The following NEDD4L variants were observed in gnomAD, a reference collection of about 807,000 sequenced individuals.
NEDD4L encodes the protein NEDD4 like E3 ubiquitin protein ligase.
A neutral mutation model predicts 148.9 loss-of-function variants in NEDD4L; 54 were observed. The ratio of observed to expected loss-of-function variants is 0.36; its 90% CI spans 0.29 to 0.45. NEDD4L has a LOEUF of 0.45. Ranked by LOEUF, NEDD4L falls within the 20% of genes least tolerant of loss-of-function variation. The probability of loss-of-function intolerance (pLI) is 1.00; values close to 1 mark genes in which losing one functional copy is unlikely to be tolerated. For missense variants in NEDD4L, 856 were observed against 1,233.8 expected, an observed-to-expected ratio of 0.69 and a Z score of 4.59; for synonymous variants, 433 against 440.7, an observed-to-expected ratio of 0.98 and a Z score of 0.22.
intron 24 of NEDD4L, among the ~76,000 whole-genome samples, chr18:58,379,083 G>T (rs1364396473): frequency 6.6e-6 from 1 of 152,222 alleles, no homozygotes; most frequent in Non-Finnish European, 1.5e-5. Flanking sequence ...GCACAGGAGG[G>T]CGATGGCCCA....
chr18:58,077,517 G>A (rs928454673), intron 1 of NEDD4L, among the ~76,000 whole-genome samples: 1 of 152,026 alleles, frequency 6.6e-6, no homozygotes, highest in Non-Finnish European at 1.5e-5. Context: ...TGTGCACGTC[G>A]TTAACTACAG....
intron 5 of NEDD4L, among the ~76,000 whole-genome samples, chr18:58,292,457 C>T (rs2054903194): frequency 6.6e-6 from 1 of 152,120 alleles, no homozygotes; most frequent in Non-Finnish European, 1.5e-5. Context: ...CCCACCTCAC[C>T]CGCCACCTCA....
intron 8 of NEDD4L, among the ~76,000 whole-genome samples, chr18:58,324,712 C>T (rs2059157600): frequency 6.6e-6 from 1 of 152,136 alleles, no homozygotes; most frequent in South Asian, 2.1e-4. Context: ...GTAGTGTCAC[C>T]GACTGTGCAG....
chr18:58,395,635 G>T lies in NEDD4L; in HGVS notation c.2826-532G>T, dbSNP rs559041018. On this transcript the variant is annotated intron_variant, in intron 30 of 30. Coordinates refer to ENST00000400345, the MANE Select transcript of NEDD4L (RefSeq NM_001144967.3). ...CCCGGACAGCCTGGGTTCTGTTTGTGGGTCTGCCGTTTGACAAAGACTGTG... is the reference window on the plus strand; with the variant it reads ...CCCGGACAGCCTGGGTTCTGTTTGTTGGTCTGCCGTTTGACAAAGACTGTG... 6.6e-5 allele frequency among the ~76,000 whole-genome samples: 10 copies of T among 152,256 alleles called. No homozygotes were observed. The South Asian group carries it at 2.1e-3, about 32-fold the overall frequency.
chr18:58,206,654 A>G (rs995710344), intron 2 of NEDD4L, among the ~76,000 whole-genome samples: 2 of 152,176 alleles, frequency 1.3e-5, no homozygotes, highest in Non-Finnish European at 2.9e-5. Context: ...AGAACTTAAG[A>G]TATGTGGGAG....
At chr18:58,165,687 A>G in intron 1 of NEDD4L, 101 bp from the exon 2 acceptor site, 2 of 1,513,908 alleles carry the variant, frequency 1.3e-6, no homozygotes, top group Non-Finnish European at 1.8e-6. Flanking sequence ...TCTGTATCCC[A>G]ATACTGGACT....
chr18:58,133,622 A>G (rs1239398443), intron 1 of NEDD4L, among the ~76,000 whole-genome samples: 4 of 152,194 alleles, frequency 2.6e-5, no homozygotes, highest in African/African-American at 7.2e-5. Flanking sequence ...AGTAATACGT[A>G]TAATGCAGCA....
At chr18:58,133,620 G>A (rs893541884) in intron 1 of NEDD4L, among the ~76,000 whole-genome samples, 3 of 152,038 alleles carry the variant, frequency 2.0e-5, no homozygotes, top group African/African-American at 7.2e-5. Context: ...ATAGTAATAC[G>A]TATAATGCAG....
chr18:58,105,153 T>C (rs2084991533), intron 1 of NEDD4L, among the ~76,000 whole-genome samples: 1 of 152,154 alleles, frequency 6.6e-6, no homozygotes, highest in African/African-American at 2.4e-5. Context: ...GGCCAGTAGC[T>C]GGAAGAACCA....
Position 58,324,976 on chromosome 18 carries a change from C to T in NEDD4L, c.514-20C>T, listed in dbSNP as rs756408517. 1 of 1,606,064 alleles carries T rather than the reference C, an allele frequency of 6.2e-7. No homozygotes were observed. The highest frequency in any genetic ancestry group is 8.5e-7 in the Non-Finnish European group (1 of 1,175,380). ...CCGAAGAACCAACCTCATAATCGTC[C>T]CTTTAACTTTATTCCGCAGCATGGA... On this transcript the variant is annotated intron_variant, in intron 8 of 30. Transcript: ENST00000400345.
At chr18:58,054,067 G>T (rs1212131889) in intron 1 of NEDD4L, among the ~76,000 whole-genome samples, 2 of 152,158 alleles carry the variant, frequency 1.3e-5, no homozygotes, top group African/African-American at 4.8e-5. Context: ...GTGTTGAATG[G>T]GTTTTATTTA....
intron 1 of NEDD4L, among the ~76,000 whole-genome samples, chr18:58,057,439 T>C (rs1435574580): frequency 6.6e-6 from 1 of 152,148 alleles, no homozygotes; most frequent in Non-Finnish European, 1.5e-5. Flanking sequence ...TTTGCTTTGG[T>C]CAGCCGGTCT....
chr18:58,368,237 C>G (rs903409016), intron 22 of NEDD4L, among the ~76,000 whole-genome samples: 3 of 128,266 alleles, frequency 2.3e-5, no homozygotes, highest in African/African-American at 1.1e-4. Context: ...GTGATTATTG[C>G]GTTTGTCCCC....
intron 22 of NEDD4L, among the ~76,000 whole-genome samples, chr18:58,369,686 T>C (rs1231809700): frequency 2.6e-5 from 4 of 152,036 alleles, no homozygotes; most frequent in African/African-American, 9.7e-5. Context: ...CCAGGTCTGG[T>C]GGGGTCAGGA....
intron 23 of NEDD4L, among the ~76,000 whole-genome samples, chr18:58,371,161 C>T (rs1418862786): frequency 2.7e-5 from 4 of 150,000 alleles, no homozygotes; most frequent in Admixed American, 2.6e-4. Context: ...CTCAGCCTCT[C>T]AGATAGCTGG....
intron 1 of NEDD4L, among the ~76,000 whole-genome samples, chr18:58,076,850 C>CTTT (rs375840476): frequency 2.9e-5 from 4 of 136,460 alleles, no homozygotes; most frequent in Non-Finnish European, 4.8e-5. Context: ...AATATACCTG[C>CTTT]TTTTTTTTTT....
intron 1 of NEDD4L, 142 bp downstream of exon 1, chr18:58,044,850 G>A: frequency 1.0e-6 from 1 of 1,003,054 alleles, no homozygotes; most frequent in African/African-American, 1.7e-5. Context: ...CCCCGGAGCG[G>A]GATCCAGGGG....
intron 1 of NEDD4L, among the ~76,000 whole-genome samples, chr18:58,090,040 A>G (rs1053403272): frequency 4.6e-5 from 7 of 152,016 alleles, no homozygotes; most frequent in Non-Finnish European, 8.8e-5. Flanking sequence ...GGGTTTCACC[A>G]TGTTGGTCAG....
chr18:58,320,692 G>A (rs976404420), intron 6 of NEDD4L, among the ~76,000 whole-genome samples: 2 of 152,122 alleles, frequency 1.3e-5, no homozygotes, highest in African/African-American at 4.8e-5. Context: ...GCACACACCT[G>A]TGGTCCCAGC....
Sources: allele counts gnomAD v4.1 joint callset (sites outside exome capture counted in the v4.1 genomes callset), GRCh38; gene constraint gnomAD v4.1.1; transcripts MANE v1.5; gene names NCBI Gene and HGNC (gene_info 2026-07-23, HGNC 2026-07-21).